Variants in ZNF385B observed in about 807,000 individuals in gnomAD.
ZNF385B encodes the protein zinc finger protein 385B, also known as zinc finger protein 533.
Under a neutral mutation model 39.2 loss-of-function variants are expected in ZNF385B, and 23 were observed. That is an observed-to-expected ratio of 0.59 (90% confidence interval 0.42 to 0.83). ZNF385B has a LOEUF of 0.83. Ranked by LOEUF, ZNF385B falls within the 40% of genes least tolerant of loss-of-function variation. ZNF385B has a pLI of 0.00. For synonymous variants in ZNF385B, 205 were observed against 222.6 expected, an observed-to-expected ratio of 0.92 and a Z score of 0.70; for missense variants, 552 against 598.9, an observed-to-expected ratio of 0.92 and a Z score of 0.82.
intron 3 of ZNF385B, among the ~76,000 whole-genome samples, chr2:179,706,526 C>T (rs1251168768): frequency 6.6e-6 from 1 of 152,130 alleles, no homozygotes; most frequent in Non-Finnish European, 1.5e-5. Context: ...CCTGGGCTGG[C>T]CATCCATGTC....
At chr2:179,669,969 G>A (rs1011291629) in intron 3 of ZNF385B, among the ~76,000 whole-genome samples, 1 of 152,084 alleles carries the variant, frequency 6.6e-6, no homozygotes, top group African/African-American at 2.4e-5. Flanking sequence ...TGGAGGTGAG[G>A]GAAAATCCCT....
At chr2:179,740,170 G>A (rs538263454) in intron 3 of ZNF385B, among the ~76,000 whole-genome samples, 1 of 152,256 alleles carries the variant, frequency 6.6e-6, no homozygotes, top group East Asian at 1.9e-4. Flanking sequence ...CTGGAAGGAA[G>A]GGAGAGTTCT....
At chr2:179,683,665 G>A (rs747083033) in intron 3 of ZNF385B, among the ~76,000 whole-genome samples, 7 of 151,814 alleles carry the variant, frequency 4.6e-5, no homozygotes, top group East Asian at 2.0e-4. Flanking sequence ...TAGTACAGAT[G>A]GGGTTTTACC....
At chr2:179,523,231 T>C (rs2058632843) in intron 4 of ZNF385B, among the ~76,000 whole-genome samples, 1 of 152,190 alleles carries the variant, frequency 6.6e-6, no homozygotes, top group African/African-American at 2.4e-5. Flanking sequence ...CTGTAGTACT[T>C]ATAAAACAAA....
intron 3 of ZNF385B, among the ~76,000 whole-genome samples, chr2:179,579,387 A>G (rs753595258): frequency 6.6e-5 from 10 of 152,106 alleles, no homozygotes; most frequent in East Asian, 1.9e-4. Flanking sequence ...AATGACCTCA[A>G]TCTAAAACTA....
At chr2:179,627,520 C>A (rs1381905590) in intron 3 of ZNF385B, among the ~76,000 whole-genome samples, 1 of 152,140 alleles carries the variant, frequency 6.6e-6, no homozygotes, top group Non-Finnish European at 1.5e-5. Context: ...GGATCTTACC[C>A]AAGATCCATA....
intron 3 of ZNF385B, among the ~76,000 whole-genome samples, chr2:179,761,321 G>C (rs1416441187): frequency 1.3e-5 from 2 of 152,134 alleles, no homozygotes; most frequent in East Asian, 3.9e-4. Context: ...GAAAATTATA[G>C]ATCAGTTTAA....
chr2:179,444,735 A>C, intron 9 of ZNF385B, 141 bp downstream of exon 9: 1 of 717,304 alleles, frequency 1.4e-6, no homozygotes, highest in Non-Finnish European at 2.5e-6. Flanking sequence ...TAAGCAGTTC[A>C]TTCTAAAACT....
At chr2:179,728,168 A>G (rs946488687) in intron 3 of ZNF385B, among the ~76,000 whole-genome samples, 4 of 152,132 alleles carry the variant, frequency 2.6e-5, no homozygotes, top group African/African-American at 9.6e-5. Context: ...TAGTTATCTC[A>G]ATAATAATCT....
intron 5 of ZNF385B, among the ~76,000 whole-genome samples, chr2:179,505,713 A>G (rs368298236): frequency 1.3e-5 from 2 of 152,146 alleles, no homozygotes; most frequent in African/African-American, 2.4e-5. Flanking sequence ...TATTTAAAGC[A>G]GAACTAGAAT....
chr2:179,561,934 A>G (rs1574812246), intron 3 of ZNF385B, among the ~76,000 whole-genome samples: 1 of 152,320 alleles, frequency 6.6e-6, no homozygotes, highest in South Asian at 2.1e-4. Flanking sequence ...ACGTCACTCA[A>G]TTTGATTACA....
chr2:179,590,580 G>C (rs1298046484), intron 3 of ZNF385B, among the ~76,000 whole-genome samples: 1 of 152,040 alleles, frequency 6.6e-6, no homozygotes, highest in East Asian at 1.9e-4. Flanking sequence ...GCTTCCCCTT[G>C]AGATAAATGT....
chr2:179,513,237 A>C (rs1207530152), intron 5 of ZNF385B, among the ~76,000 whole-genome samples: 1 of 152,224 alleles, frequency 6.6e-6, no homozygotes, highest in Non-Finnish European at 1.5e-5. Context: ...ACTCCCCCCC[A>C]AATAAAAAAT....
intron 1 of ZNF385B, among the ~76,000 whole-genome samples, chr2:179,812,366 G>T (rs996608482): frequency 6.6e-6 from 1 of 152,164 alleles, no homozygotes; most frequent in Non-Finnish European, 1.5e-5. Context: ...CACTGTTCAC[G>T]ATAGCAAAGA....
rs2049053279 is a variant in ZNF385B at position 179,442,399 on chromosome 2, T to C, written c.*851A>G. The C allele has an allele frequency of 1.3e-5, 2 of 152,660 alleles. No individual in the cohort carries two copies. Among genetic ancestry groups the C allele is most frequent in the African/African-American group, 2.4e-5 (1 of 41,468 alleles). 9.5% of individuals were successfully genotyped at this position (152,660 alleles called of 1,614,324 possible). On this transcript the variant is annotated 3_prime_UTR_variant, in exon 10 of 10. Transcript: ENST00000410066. ...TGTGCAATTTAGGAAGCTCTTTTTCTGTTTGTATACGTTTGCTTAGCAACA... is the reference window on the plus strand; with the variant it reads ...TGTGCAATTTAGGAAGCTCTTTTTCCGTTTGTATACGTTTGCTTAGCAACA...
chr2:179,688,405 G>A (rs568638847), intron 3 of ZNF385B, among the ~76,000 whole-genome samples: 3 of 152,118 alleles, frequency 2.0e-5, no homozygotes, highest in African/African-American at 7.2e-5. Flanking sequence ...AGGCTGAGGC[G>A]AGAGGATCTC....
chr2:179,545,611 G>C (rs996421377), intron 3 of ZNF385B, among the ~76,000 whole-genome samples: 2 of 152,146 alleles, frequency 1.3e-5, no homozygotes, highest in Non-Finnish European at 2.9e-5. Context: ...TTGGGGGACA[G>C]GTAGTAGTTA....
intron 3 of ZNF385B, among the ~76,000 whole-genome samples, chr2:179,700,507 T>C (rs895744577): frequency 5.9e-5 from 9 of 152,196 alleles, no homozygotes; most frequent in Non-Finnish European, 1.2e-4. Flanking sequence ...CTCTTTAATG[T>C]CATCTTTTGA....
chr2:179,687,234 G>A lies in ZNF385B; in HGVS notation c.298+82269C>T, dbSNP rs189427875. Among the ~76,000 whole-genome samples the A allele has an allele frequency of 1.3e-3, 199 of 150,772 alleles. 2 individuals carry two copies. Among genetic ancestry groups the A allele is most frequent in the Non-Finnish European group, 2.2e-4 (15 of 67,798 alleles). On this transcript the variant is annotated intron_variant, in intron 3 of 9. Coordinates refer to ENST00000410066, the MANE Select transcript of ZNF385B (RefSeq NM_152520.6). Reference sequence around the variant, plus strand: ...CTGGGAAACTCTCCAGGGGGAAGACGACTATTACTAGATGATCTTTAAAGG... The same window carrying A: ...CTGGGAAACTCTCCAGGGGGAAGACAACTATTACTAGATGATCTTTAAAGG...
Sources: allele counts gnomAD v4.1 joint callset (sites outside exome capture counted in the v4.1 genomes callset), GRCh38; gene constraint gnomAD v4.1.1; transcripts MANE v1.5; gene names NCBI Gene and HGNC (gene_info 2026-07-23, HGNC 2026-07-21).